LIPG: variants seen among roughly 807,000 people sequenced by gnomAD.
LIPG encodes the protein lipase G, endothelial type, also known as endothelial lipase.
LIPG carries 34 observed loss-of-function variants against 51.8 expected under a neutral mutation model. The ratio of observed to expected loss-of-function variants is 0.66; its 90% CI spans 0.50 to 0.87. LIPG has a LOEUF of 0.87. Among genes scored for constraint, LIPG ranks in the 40% least tolerant of loss-of-function variants. The pLI, the probability that LIPG is intolerant of heterozygous loss-of-function variation, is 0.00. For missense variants in LIPG, 580 were observed against 652.7 expected (o/e 0.89, Z 1.21); for synonymous variants, 246 against 246.1 (o/e 1.00, Z 0.00).
At chr18:49,572,422 C>A (rs192898972) in intron 4 of LIPG, among the ~76,000 whole-genome samples, 5 of 152,262 alleles carry the variant, frequency 3.3e-5, no homozygotes, top group African/African-American at 7.2e-5. Context: ...CCTGAACATT[C>A]TACGGAGGGG....
chr18:49,561,687 T>C, upstream of LIPG: 1 of 1,243,392 alleles, frequency 8.0e-7, no homozygotes, highest in Non-Finnish European at 1.0e-6. Context: ...TTGGAGAGGA[T>C]GCTCTCCTTC....
chr18:49,587,001 G>A, intron 9 of LIPG, 151 bp downstream of exon 9: 1 of 647,774 alleles, frequency 1.5e-6, no homozygotes, highest in Non-Finnish European at 2.8e-6. Context: ...GGGCGTGGTG[G>A]CTCAAGCCTG....
intron 7 of LIPG, among the ~76,000 whole-genome samples, chr18:49,582,788 C>T (rs929948028): frequency 3.9e-5 from 6 of 152,242 alleles, no homozygotes; most frequent in Middle Eastern, 3.2e-3. Context: ...CAATGCCTGA[C>T]GATGCTTCAG....
intron 2 of LIPG, among the ~76,000 whole-genome samples, chr18:49,566,256 G>A (rs188410690): frequency 1.6e-3 from 250 of 152,260 alleles, no homozygotes; most frequent in African/African-American, 5.7e-3. Flanking sequence ...GGAGAGGGTA[G>A]GTGCCTGCCT....
chr18:49,565,780 A>G (rs998458574), intron 2 of LIPG, among the ~76,000 whole-genome samples: 11 of 152,178 alleles, frequency 7.2e-5, no homozygotes, highest in Non-Finnish European at 1.6e-4. Flanking sequence ...GGACCCCTCT[A>G]ATTACACTTA....
Position 49,582,466 on chromosome 18 carries a change from ACT to A in LIPG, c.1144_1145del (p.Leu382AlafsTer86), listed in dbSNP as rs2084830461. 1 of 1,614,076 alleles carries A rather than the reference ACT, an allele frequency of 6.2e-7. No individual in the cohort carries two copies. Among genetic ancestry groups the A allele is most frequent in the Non-Finnish European group, 8.5e-7 (1 of 1,180,018 alleles). On this transcript the variant is annotated frameshift_variant, in exon 7 of 10. Transcript: ENST00000261292. LOFTEE classifies it high-confidence loss of function. ...TTATGGCACTAATGCAGATTCCCAG[ACT>A]CTGCCACTGGAAATGTAAGTCATCC... ...TLYGTNADSQ[T>X]LPLEIVERIE...
At chr18:49,567,163 C>T (rs892025932) in intron 2 of LIPG, among the ~76,000 whole-genome samples, 2 of 152,082 alleles carry the variant, frequency 1.3e-5, no homozygotes, top group Non-Finnish European at 2.9e-5. Flanking sequence ...ATAGTGAGAC[C>T]CTGTTGCTGC....
chr18:49,568,928 C>T (rs1191633145), intron 3 of LIPG, among the ~76,000 whole-genome samples: 1 of 152,142 alleles, frequency 6.6e-6, no homozygotes, highest in Non-Finnish European at 1.5e-5. Context: ...CCTTACCCCC[C>T]AGATGAGTGC....
At chr18:49,576,259 G>A (rs1031983048) in intron 5 of LIPG, among the ~76,000 whole-genome samples, 1 of 152,032 alleles carries the variant, frequency 6.6e-6, no homozygotes, top group Non-Finnish European at 1.5e-5. Context: ...CTCTTCAGAT[G>A]TAGCCAGTAT....
rs1015409278 is a variant in LIPG at position 49,593,066 on chromosome 18, G to T, written c.*2544G>T. ...CCACCTCAGCCTTCTGAGTAGCTGG[G>T]ATTACAGAGATGCGTCACCATGTCT... On this transcript the variant is annotated 3_prime_UTR_variant, in exon 10 of 10. Coordinates refer to ENST00000261292, the MANE Select transcript of LIPG (RefSeq NM_006033.4). The T allele has an allele frequency of 1.3e-5, 2 of 151,760 alleles. No homozygotes were observed. Among genetic ancestry groups the T allele is most frequent in the Non-Finnish European group, 2.9e-5 (2 of 67,994 alleles). The allele number at this position is 151,760 out of a possible 1,614,324, so 9.4% of individuals were successfully genotyped here. A position where few individuals can be genotyped will look rare whatever the true frequency, so the allele number is the denominator to read the frequency against.
At chr18:49,588,958 G>A (rs61755033) in intron 9 of LIPG, among the ~76,000 whole-genome samples, 2,136 of 152,242 alleles carry the variant, frequency 0.014, 50 homozygotes, top group African/African-American at 0.049. Context: ...CAACCCACTA[G>A]GCAGGGGTTG....
Position 49,569,468 on chromosome 18 carries a change from A to T in LIPG, c.491A>T (p.His164Leu), listed in dbSNP as rs1169075540. ...GACGATTTTTCTCTCGGGAATGTCC[A>T]CTTGATCGGCTACAGCCTCGGAGCG... ...EKDDFSLGNVHLIGYSLGAHV... is the reference protein window; with the variant it reads ...EKDDFSLGNVLLIGYSLGAHV... The change falls in exon 4 of 10, where the codon CAC (histidine) becomes CTC (leucine). Residue 164 changes from histidine to leucine, a missense_variant. Transcript: ENST00000261292. 1 of 1,614,072 alleles carries T rather than the reference A, an allele frequency of 6.2e-7. No homozygotes were observed. Among genetic ancestry groups the T allele is most frequent in the Non-Finnish European group, 8.5e-7 (1 of 1,180,046 alleles).
At chr18:49,562,005 A>T (rs1264237217), upstream of LIPG, 2 of 1,403,858 alleles carry the variant, frequency 1.4e-6, no homozygotes, top group African/African-American at 2.9e-5. Flanking sequence ...CCATCTGGCG[A>T]TGGGTCAGAT....
At chr18:49,568,970 T>C (rs1337172679) in intron 3 of LIPG, among the ~76,000 whole-genome samples, 1 of 152,024 alleles carries the variant, frequency 6.6e-6, no homozygotes. Context: ...AAGTCTGGGG[T>C]CCCACATGGG....
chr18:49,569,905 T>C (rs1178613463), intron 4 of LIPG, among the ~76,000 whole-genome samples: 1 of 152,012 alleles, frequency 6.6e-6, no homozygotes, highest in East Asian at 1.9e-4. Flanking sequence ...CCTGGTCCAA[T>C]AGGTGAGGAA....
chr18:49,587,568 C>CAAAAAAAAAAAAAAA (rs34734805), intron 9 of LIPG, among the ~76,000 whole-genome samples: 11 of 42,308 alleles, frequency 2.6e-4, no homozygotes, highest in African/African-American at 8.7e-4. Flanking sequence ...GACTCCGTCT[C>CAAAAAAAAAAAAAAA]AAAAAAAAAA....
At chr18:49,572,623 C>T (rs572312955) in intron 4 of LIPG, among the ~76,000 whole-genome samples, 6 of 151,480 alleles carry the variant, frequency 4.0e-5, no homozygotes, top group Non-Finnish European at 7.4e-5. Context: ...CCTAGCTACT[C>T]GGGATGCTGA....
rs1378415317 is a variant in LIPG, at chr18:49,593,361, A to G, written c.*2839A>G. The G allele has an allele frequency of 6.6e-6, 1 of 152,236 alleles. No individual in the cohort carries two copies. The highest frequency in any genetic ancestry group is 1.5e-5 in the Non-Finnish European group (1 of 68,048). 9.4% of individuals were successfully genotyped at this position (152,236 alleles called of 1,614,324 possible). A position where few individuals can be genotyped will look rare whatever the true frequency, so the allele number is the denominator to read the frequency against. ...TAGCAGAAGTGGACAGCAATTCACT[A>G]AAGAACCAGAACAAGAACATCATTT... On this transcript the variant is annotated 3_prime_UTR_variant, in exon 10 of 10. Coordinates refer to ENST00000261292, the MANE Select transcript of LIPG (RefSeq NM_006033.4).
chr18:49,577,601 G>A (rs1451830710), intron 5 of LIPG, among the ~76,000 whole-genome samples: 1 of 148,776 alleles, frequency 6.7e-6, no homozygotes, highest in Non-Finnish European at 1.5e-5. Flanking sequence ...CGGCCGGGCA[G>A]AGGCACCCCT....
Sources: allele counts gnomAD v4.1 joint callset (sites outside exome capture counted in the v4.1 genomes callset), GRCh38; gene constraint gnomAD v4.1.1; transcripts MANE v1.5; gene names NCBI Gene and HGNC (gene_info 2026-07-23, HGNC 2026-07-21).